Variants in SYT14 observed in about 807,000 individuals in gnomAD.
SYT14 encodes the protein synaptotagmin 14, also known as synaptotagmin-14.
A neutral mutation model predicts 74.2 loss-of-function variants in SYT14; 32 were observed. That is an observed-to-expected ratio of 0.43 (90% CI 0.33 to 0.58). The LOEUF (loss-of-function observed/expected upper bound fraction) is 0.58. Ranked by LOEUF, SYT14 falls within the 20% of genes least tolerant of loss-of-function variation. The pLI is 0.05. For missense variants in SYT14, 791 were observed against 981.8 expected (o/e 0.81, Z 2.60); for synonymous variants, 298 against 337.7 (o/e 0.88, Z 1.29).
intron 7 of SYT14, among the ~76,000 whole-genome samples, chr1:210,109,476 G>A (rs987700917): frequency 3.3e-5 from 5 of 151,752 alleles, no homozygotes; most frequent in African/African-American, 7.3e-5. Context: ...TATTCGGGAC[G>A]CTGAGGCAGG....
chr1:210,148,508 CAAAA>C (rs11295049), intron 7 of SYT14, among the ~76,000 whole-genome samples: 4 of 127,480 alleles, frequency 3.1e-5, no homozygotes, highest in Admixed American at 7.7e-5. Context: ...AACTCCGTCT[CAAAA>C]AAAAAAAAAA....
At chr1:210,010,970 G>C (rs2080076089) in intron 2 of SYT14, among the ~76,000 whole-genome samples, 1 of 152,158 alleles carries the variant, frequency 6.6e-6, no homozygotes, top group Non-Finnish European at 1.5e-5. Context: ...AGTATCTGCT[G>C]TATGGTTTTG....
chr1:210,113,519 C>T (rs1051383168), intron 7 of SYT14, among the ~76,000 whole-genome samples: 3 of 151,246 alleles, frequency 2.0e-5, no homozygotes, highest in African/African-American at 7.4e-5. Flanking sequence ...CAAGTGATAA[C>T]AGGCTTTAAT....
At chr1:210,040,796 C>T (rs756283509) in intron 5 of SYT14, among the ~76,000 whole-genome samples, 1 of 152,108 alleles carries the variant, frequency 6.6e-6, no homozygotes, top group Non-Finnish European at 1.5e-5. Context: ...GTGTATGTAA[C>T]TGTATAATAA....
intron 5 of SYT14, among the ~76,000 whole-genome samples, chr1:210,029,884 C>T (rs934307480): frequency 3.9e-5 from 6 of 151,924 alleles, no homozygotes; most frequent in Non-Finnish European, 7.4e-5. Flanking sequence ...CATAGTGTGC[C>T]TTCTCATTTA....
intron 2 of SYT14, among the ~76,000 whole-genome samples, chr1:209,986,700 T>C (rs2079576818): frequency 6.6e-6 from 1 of 152,142 alleles, no homozygotes; most frequent in Non-Finnish European, 1.5e-5. Context: ...TGTCGCCCAG[T>C]GCAACCTCTG....
intron 4 of SYT14, among the ~76,000 whole-genome samples, chr1:210,020,792 T>G (rs2080284515): frequency 6.6e-6 from 1 of 152,182 alleles, no homozygotes; most frequent in African/African-American, 2.4e-5. Flanking sequence ...TTCCAAAGCT[T>G]GGGCTTCTTA....
exon 10 of SYT14, chr1:210,162,440 G>A (rs1387720935): frequency 5.3e-6 from 2 of 375,270 alleles, no homozygotes; most frequent in Non-Finnish European, 5.2e-6. Flanking sequence ...CTCTAATCAG[G>A]AATATTATAA....
intron 7 of SYT14, among the ~76,000 whole-genome samples, chr1:210,146,698 G>A (rs2102686690): frequency 6.6e-6 from 1 of 150,654 alleles, no homozygotes; most frequent in East Asian, 2.0e-4. Flanking sequence ...TAGTATATAT[G>A]GTCTATATGT....
chr1:209,940,456 CA>C (rs1272575039), intron 1 of SYT14, among the ~76,000 whole-genome samples: 1 of 151,756 alleles, frequency 6.6e-6, no homozygotes. Context: ...ACCCTTCTCT[CA>C]AAGAGTTCAT....
chr1:210,130,181 C>A (rs2082645096), intron 7 of SYT14, among the ~76,000 whole-genome samples: 1 of 152,168 alleles, frequency 6.6e-6, no homozygotes, highest in African/African-American at 2.4e-5. Context: ...AGTACTTATA[C>A]ACACTATTAA....
chr1:210,147,689 CATA>C (rs1439191363), intron 7 of SYT14, among the ~76,000 whole-genome samples: 1 of 152,098 alleles, frequency 6.6e-6, no homozygotes, highest in African/African-American at 2.4e-5. Context: ...GAGAGATAAA[CATA>C]ATACAATAAG....
intron 5 of SYT14, among the ~76,000 whole-genome samples, chr1:210,041,400 G>A (rs530745151): frequency 3.3e-5 from 5 of 152,288 alleles, no homozygotes; most frequent in African/African-American, 1.2e-4. Flanking sequence ...CTGAATGTCA[G>A]CCCTGAGTTG....
intron 2 of SYT14, among the ~76,000 whole-genome samples, chr1:210,000,754 G>C (rs227189): frequency 0.54 from 82,055 of 150,846 alleles, 23,589 homozygotes; most frequent in African/African-American, 0.73. Flanking sequence ...GCTGGGATTA[G>C]AGGCGCCTGC....
rs1301168362 is a variant in SYT14, at chr1:209,968,178, TCTTAGG to T, written c.-486+15423_-486+15428del. Among the ~76,000 whole-genome samples, 4 of 152,134 alleles carry T rather than the reference TCTTAGG, an allele frequency of 2.6e-5. 1 individual carries two copies. Among genetic ancestry groups the T allele is most frequent in the African/African-American group, 9.7e-5 (4 of 41,444 alleles). On this transcript the variant is annotated intron_variant, in intron 2 of 9. Transcript: ENST00000637265. ...GGGACTGTGACAGAATGTAGCCTCATCTTAGGTCATTGACTGAGACCTTGTTTTCTA... is the reference window on the plus strand; with the variant it reads ...GGGACTGTGACAGAATGTAGCCTCATTCATTGACTGAGACCTTGTTTTCTA...
chr1:210,163,444 G>A (rs1178583309), exon 10 of SYT14: 1 of 453,668 alleles, frequency 2.2e-6, no homozygotes, highest in East Asian at 7.0e-5. Context: ...ATCTATATGA[G>A]TGTATGTATC....
chr1:210,083,419 T>C (rs2081655894), intron 5 of SYT14, among the ~76,000 whole-genome samples: 1 of 152,212 alleles, frequency 6.6e-6, no homozygotes, highest in Non-Finnish European at 1.5e-5. Context: ...AAGAAGATTA[T>C]ATATTTATTT....
intron 2 of SYT14, among the ~76,000 whole-genome samples, chr1:209,961,517 T>G (rs544788913): frequency 1.3e-5 from 2 of 152,320 alleles, no homozygotes; most frequent in East Asian, 3.9e-4. Context: ...CATTAAATTC[T>G]TTGAGTCTCA....
intron 2 of SYT14, among the ~76,000 whole-genome samples, chr1:209,957,103 C>T (rs891547748): frequency 1.3e-5 from 2 of 152,120 alleles, no homozygotes; most frequent in Admixed American, 6.5e-5. Flanking sequence ...AAGTAACTCA[C>T]ATGTACTTTC....
Sources: allele counts gnomAD v4.1 joint callset (sites outside exome capture counted in the v4.1 genomes callset), GRCh38; gene constraint gnomAD v4.1.1; transcripts MANE v1.5; gene names NCBI Gene and HGNC (gene_info 2026-07-23, HGNC 2026-07-21).